The following LPP variants were observed in gnomAD, a reference collection of about 807,000 sequenced individuals.
LPP encodes LIM domain containing preferred translocation partner in lipoma.
In LPP, 38 loss-of-function variants were observed where a neutral mutation model predicts 60.4. The ratio of observed to expected loss-of-function variants is 0.63; its 90% confidence interval spans 0.49 to 0.83. The LOEUF (loss-of-function observed/expected upper bound fraction) is 0.83. Among genes scored for constraint, LPP ranks in the 40% least tolerant of loss-of-function variants. The probability of loss-of-function intolerance (pLI) is 0.00; values close to 1 mark genes in which losing one functional copy is unlikely to be tolerated. For missense variants in LPP, 902 were observed against 783.6 expected, an observed-to-expected ratio of 1.15 and a Z score of -1.80; for synonymous variants, 328 against 290.8, an observed-to-expected ratio of 1.13 and a Z score of -1.30.
At chr3:188,459,076 A>C (rs1285832822) in intron 4 of LPP, among the ~76,000 whole-genome samples, 3 of 152,186 alleles carry the variant, frequency 2.0e-5, no homozygotes, top group Non-Finnish European at 4.4e-5. Flanking sequence ...TAAATTAGCT[A>C]GAATATCACT....
intron 4 of LPP, among the ~76,000 whole-genome samples, chr3:188,476,376 A>G (rs1803234408): frequency 6.6e-6 from 1 of 152,226 alleles, no homozygotes; most frequent in Non-Finnish European, 1.5e-5. Flanking sequence ...GTACCCTGTT[A>G]ATGAACATTC....
At chr3:188,567,999 T>C (rs907470708) in intron 6 of LPP, among the ~76,000 whole-genome samples, 3 of 151,994 alleles carry the variant, frequency 2.0e-5, no homozygotes, top group Admixed American at 2.0e-4. Context: ...GCATTCTTTG[T>C]GATCCTATTT....
chr3:188,524,810 T>C (rs79979173), intron 6 of LPP, 23 bp downstream of exon 6: 1 of 1,606,080 alleles, frequency 6.2e-7, no homozygotes, highest in Non-Finnish European at 8.5e-7. Context: ...CACAATCATC[T>C]CCACACAGCC....
At chr3:188,176,619 C>A (rs1723113228) in intron 1 of LPP, among the ~76,000 whole-genome samples, 2 of 152,114 alleles carry the variant, frequency 1.3e-5, no homozygotes, top group African/African-American at 4.8e-5. Flanking sequence ...ATCAGTTAAC[C>A]CACATTTATT....
chr3:188,762,938 C>T (rs1732885003), intron 9 of LPP, among the ~76,000 whole-genome samples: 1 of 152,070 alleles, frequency 6.6e-6, no homozygotes, highest in African/African-American at 2.4e-5. Flanking sequence ...GTCCTCAAGC[C>T]CTCAGATGGA....
chr3:188,831,013 TA>T (rs1757011933), intron 9 of LPP, among the ~76,000 whole-genome samples: 1 of 152,216 alleles, frequency 6.6e-6, no homozygotes, highest in Admixed American at 6.5e-5. Flanking sequence ...ACTTCTGGAT[TA>T]TTAAATTGAG....
At chr3:188,316,248 A>C (rs987507961) in intron 2 of LPP, among the ~76,000 whole-genome samples, 1 of 152,228 alleles carries the variant, frequency 6.6e-6, no homozygotes, top group Non-Finnish European at 1.5e-5. Flanking sequence ...ATTGCACTCC[A>C]GCCTGGACGA....
At chr3:188,432,584 A>G (rs974695111) in intron 4 of LPP, among the ~76,000 whole-genome samples, 2 of 150,236 alleles carry the variant, frequency 1.3e-5, no homozygotes, top group Non-Finnish European at 3.0e-5. Flanking sequence ...TTTTTTTTTT[A>G]AAGCTCTTCC....
chr3:188,175,713 G>A (rs942035461), intron 1 of LPP, among the ~76,000 whole-genome samples: 1 of 152,112 alleles, frequency 6.6e-6, no homozygotes, highest in Non-Finnish European at 1.5e-5. Context: ...GGCTCAGAAA[G>A]GTCCTATTTT....
rs940519892 is a variant in LPP at position 188,372,455 on chromosome 3, C to T, written c.-10+30736C>T. On this transcript the variant is annotated intron_variant, in intron 3 of 11. Coordinates refer to ENST00000617246, the MANE Select transcript of LPP (RefSeq NM_001375462.1). ...TAAAAAACAAAACCCAAATACAAAG[C>T]GTTGAGCTTCCTACTGGAATCTGAA... Among the ~76,000 whole-genome samples, 9 of 151,982 alleles carry T rather than the reference C, an allele frequency of 5.9e-5. No homozygotes were observed. In the South Asian group the frequency reaches 6.2e-4, roughly 10 times the overall value.
chr3:188,510,179 T>C (rs961593661), intron 5 of LPP, among the ~76,000 whole-genome samples: 1 of 152,216 alleles, frequency 6.6e-6, no homozygotes, highest in African/African-American at 2.4e-5. Context: ...ATTTTTAAGT[T>C]GAGACAAGAA....
At chr3:188,206,397 T>C (rs1577290664) in intron 1 of LPP, among the ~76,000 whole-genome samples, 1 of 152,286 alleles carries the variant, frequency 6.6e-6, no homozygotes, top group South Asian at 2.1e-4. Context: ...ACAATATCTG[T>C]GCTAAAAAGG....
At chr3:188,479,426 G>C (rs1804136628) in intron 4 of LPP, among the ~76,000 whole-genome samples, 1 of 152,196 alleles carries the variant, frequency 6.6e-6, no homozygotes, top group African/African-American at 2.4e-5. Flanking sequence ...ATCAGAGTCT[G>C]CGTTTGATCT....
chr3:188,586,636 G>A (rs1837509828), intron 6 of LPP, among the ~76,000 whole-genome samples: 1 of 152,028 alleles, frequency 6.6e-6, no homozygotes, highest in Non-Finnish European at 1.5e-5. Flanking sequence ...TATGAGAAAT[G>A]AAACTGCAGA....
At chr3:188,717,601 C>T (rs538586451) in intron 8 of LPP, among the ~76,000 whole-genome samples, 75 of 152,160 alleles carry the variant, frequency 4.9e-4, no homozygotes, top group Non-Finnish European at 9.1e-4. Flanking sequence ...TTTTGTTTCT[C>T]TCTAACTTTT....
chr3:188,556,934 G>C (rs1268970062), intron 6 of LPP, among the ~76,000 whole-genome samples: 2 of 152,008 alleles, frequency 1.3e-5, no homozygotes, highest in Non-Finnish European at 2.9e-5. Context: ...TTAATGTCTT[G>C]TTAATCTGAG....
intron 3 of LPP, among the ~76,000 whole-genome samples, chr3:188,362,049 C>T (rs1005074813): frequency 3.9e-5 from 6 of 152,044 alleles, no homozygotes; most frequent in Non-Finnish European, 8.8e-5. Flanking sequence ...ATGTACAGTG[C>T]GACAAAGGAG....
Position 188,609,530 on chromosome 3 carries a change from A to C in LPP, c.799A>C (p.Thr267Pro). Residue 267 changes from threonine to proline, a missense_variant, in exon 7 of 12, where the codon ACA becomes CCA. Thr to Pro is a conservative substitution (Grantham distance 38, BLOSUM62 -1). Transcript: ENST00000617246. The surrounding 1 kb of genome is among the most constrained non-coding windows in gnomAD (Gnocchi z 6.9). ...CTCTGGGCAGTGTCCACCTCCTTCA[A>C]CACGGGGAGGCATGGATTATGCCTA... The part of the protein sequence containing the change: ...PVSGQCPPPS[T>P]RGGMDYAYIP... 6.2e-7 allele frequency: 1 copy of C among 1,614,156 alleles called. No homozygotes were observed. Among genetic ancestry groups the C allele is most frequent in the Non-Finnish European group, 8.5e-7 (1 of 1,180,032 alleles).
rs1381132952 is a variant in LPP at position 188,738,209 on chromosome 3, AATG to A, written c.1241-21895_1241-21893del. Among the ~76,000 whole-genome samples the A allele has an allele frequency of 2.6e-5, 4 of 152,264 alleles. No homozygotes were observed. In the South Asian group the frequency reaches 6.2e-4, roughly 24 times the overall value. ...GAGTCCCCGAAAGTGTTTTTTTTCAAATGATGATGATCGGTCACGTTGTGAATC... is the reference window on the plus strand; with the variant it reads ...GAGTCCCCGAAAGTGTTTTTTTTCAAATGATGATCGGTCACGTTGTGAATC... On this transcript the variant is annotated intron_variant, in intron 8 of 11. Coordinates refer to ENST00000617246, the MANE Select transcript of LPP (RefSeq NM_001375462.1).
Sources: allele counts gnomAD v4.1 joint callset (sites outside exome capture counted in the v4.1 genomes callset), GRCh38; gene constraint gnomAD v4.1.1; non-coding constraint Gnocchi (gnomAD v3.1); transcripts MANE v1.5; gene names NCBI Gene and HGNC (gene_info 2026-07-23, HGNC 2026-07-21).